The following ITGB6 variants were observed in gnomAD, a reference collection of about 807,000 sequenced individuals.
ITGB6 encodes integrin subunit beta 6.
Under a neutral mutation model 84.5 loss-of-function variants are expected in ITGB6, and 80 were observed. That is an observed-to-expected ratio of 0.95 (90% CI 0.79 to 1.14). The LOEUF is 1.14. Ranked by LOEUF, ITGB6 falls within the 50% of genes most tolerant of loss-of-function variation. ITGB6 has a pLI of 0.00. For missense variants in ITGB6, 1,006 were observed against 968.0 expected (o/e 1.04, Z -0.52); for synonymous variants, 383 against 354.9 (o/e 1.08, Z -0.89).
chr2:160,189,863 C>G (rs1293062325), intron 4 of ITGB6, among the ~76,000 whole-genome samples: 1 of 152,080 alleles, frequency 6.6e-6, no homozygotes, highest in East Asian at 1.9e-4. Context: ...GGTATATACC[C>G]AAAGGATTCT....
At chr2:160,191,251 A>G (rs1477772202) in intron 4 of ITGB6, among the ~76,000 whole-genome samples, 3 of 152,200 alleles carry the variant, frequency 2.0e-5, no homozygotes, top group Non-Finnish European at 4.4e-5. Flanking sequence ...AAATCTATGT[A>G]TTCAGTGTCA....
intron 1 of ITGB6, among the ~76,000 whole-genome samples, chr2:160,199,755 C>A (rs1359179119): frequency 6.6e-6 from 1 of 152,154 alleles, no homozygotes; most frequent in Non-Finnish European, 1.5e-5. Context: ...TTCCATTGGG[C>A]AGTAATGTTA....
At chr2:160,192,898 T>C (rs1405227416) in intron 4 of ITGB6, among the ~76,000 whole-genome samples, 1 of 152,016 alleles carries the variant, frequency 6.6e-6, no homozygotes, top group Non-Finnish European at 1.5e-5. Context: ...CTCAACATCA[T>C]TCATTATTAA....
At chr2:160,185,773 T>G (rs944323389) in intron 4 of ITGB6, among the ~76,000 whole-genome samples, 2 of 151,968 alleles carry the variant, frequency 1.3e-5, no homozygotes, top group Admixed American at 6.6e-5. Flanking sequence ...TCAAAACAGA[T>G]ATATAGACCA....
chr2:160,123,944 G>T, intron 11 of ITGB6, 56 bp from the exon 12 acceptor site: 1 of 1,266,382 alleles, frequency 7.9e-7, no homozygotes. Flanking sequence ...TAGATTTGCA[G>T]CTTGAATATT....
In ITGB6 at chr2:160,107,397, T is replaced by C. The variant is rs546953738; in HGVS notation, c.2268+282A>G. 8.1e-4 allele frequency among the ~76,000 whole-genome samples: 123 copies of C among 152,154 alleles called. 1 individual carries two copies. The highest frequency in any genetic ancestry group is 2.8e-3 in the African/African-American group (115 of 41,504). On this transcript the variant is annotated intron_variant, in intron 14 of 14. Transcript: ENST00000283249. ...GTGGTGAGGAAGCGCTGGGTAAAAATATACTTCCCCAATGTCCCTAAGCAG... is the reference window on the plus strand; with the variant it reads ...GTGGTGAGGAAGCGCTGGGTAAAAACATACTTCCCCAATGTCCCTAAGCAG...
chr2:160,137,953 A>G lies in ITGB6; in HGVS notation c.1243-102T>C, dbSNP rs1054777966. On this transcript the variant is annotated intron_variant, in intron 9 of 14. Transcript: ENST00000283249. ...CTTTGCCAAAAGCATTTACTAGAAAATCTTTGAAAATTGCTTTTAAAATTC... is the reference window on the plus strand; with the variant it reads ...CTTTGCCAAAAGCATTTACTAGAAAGTCTTTGAAAATTGCTTTTAAAATTC... 5.9e-6 allele frequency: 9 copies of G among 1,526,742 alleles called. No homozygotes were observed. In the African/African-American group the frequency reaches 1.1e-4, roughly 19 times the overall value. The allele number at this position is 1,526,742 out of a possible 1,614,324, so 94.6% of individuals were successfully genotyped here. A position where few individuals can be genotyped will look rare whatever the true frequency, so the allele number is the denominator to read the frequency against.
At chr2:160,134,129 A>G (rs1466291925) in intron 10 of ITGB6, among the ~76,000 whole-genome samples, 1 of 152,208 alleles carries the variant, frequency 6.6e-6, no homozygotes, top group African/African-American at 2.4e-5. Context: ...GGTTTTTTGA[A>G]AAGATCAACA....
At chr2:160,122,940 T>A (rs1164018661) in intron 12 of ITGB6, among the ~76,000 whole-genome samples, 2 of 152,200 alleles carry the variant, frequency 1.3e-5, no homozygotes, top group Non-Finnish European at 2.9e-5. Context: ...CTTGGCCACA[T>A]CTCTAATGTG....
intron 11 of ITGB6, among the ~76,000 whole-genome samples, chr2:160,125,466 T>C (rs925471659): frequency 6.6e-6 from 1 of 152,222 alleles, no homozygotes; most frequent in Non-Finnish European, 1.5e-5. Flanking sequence ...CATTAGATCC[T>C]ATTCAAATCA....
At chr2:160,108,258 G>A (rs1559082450) in intron 13 of ITGB6, among the ~76,000 whole-genome samples, 1 of 93,902 alleles carries the variant, frequency 1.1e-5, no homozygotes, top group African/African-American at 4.8e-5. Context: ...TGTGTGTGCT[G>A]CATGTCATCA....
In ITGB6 at chr2:160,107,859, G is replaced by C. The variant is rs772614456; in HGVS notation, c.2102-14C>G. ...GCTTCGGACAATCTGCAGAAATAAA[G>C]AAAATTATAAGAAGGTGGTAAAATC... On this transcript the variant is annotated splice_polypyrimidine_tract_variant and intron_variant, in intron 13 of 14. Transcript: ENST00000283249. 94 of 1,563,270 alleles carry C rather than the reference G, an allele frequency of 6.0e-5. No individual in the cohort carries two copies. Among genetic ancestry groups the C allele is most frequent in the Non-Finnish European group, 8.0e-5 (92 of 1,148,684 alleles).
intron 10 of ITGB6, among the ~76,000 whole-genome samples, chr2:160,136,427 A>G (rs1446009974): frequency 6.6e-6 from 1 of 152,146 alleles, no homozygotes; most frequent in African/African-American, 2.4e-5. Flanking sequence ...ATGTGGAGAA[A>G]TAGGAACACT....
chr2:160,175,371 C>T (rs1053804426), intron 4 of ITGB6, among the ~76,000 whole-genome samples: 2 of 152,174 alleles, frequency 1.3e-5, no homozygotes, highest in African/African-American at 4.8e-5. Flanking sequence ...CATTCGTGGA[C>T]ATGTGTAGAC....
Position 160,195,318 on chromosome 2 carries a change from A to G in ITGB6, c.593+51T>C, listed in dbSNP as rs777777396. ...GGCAAGTGCAGCTCAGAGCGGGAGT[A>G]TCTCCACAGAAAATCAGCGCACAAA... On this transcript the variant is annotated intron_variant, in intron 4 of 14. Coordinates refer to ENST00000283249, the MANE Select transcript of ITGB6 (RefSeq NM_000888.5). 1.2e-5 allele frequency: 19 copies of G among 1,610,026 alleles called. No individual in the cohort carries two copies. The South Asian group carries it at 2.1e-4, about 18-fold the overall frequency.
chr2:160,126,411 A>G lies in ITGB6; in HGVS notation c.1851T>C (p.Cys617=). Residue 617 remains cysteine, a synonymous_variant, in exon 11 of 15, where the codon TGT becomes TGC. Coordinates refer to ENST00000283249, the MANE Select transcript of ITGB6 (RefSeq NM_000888.5). ...AGTTACAGGGGTCACCACAGGTAGG[A>G]CATCGTTCACAGGTTGGTCCTGAGG... ...PGASGPTCER[C]PTCGDPCNSK... is the part of the protein sequence containing the mutation. The G allele has an allele frequency of 1.2e-6, 2 of 1,614,220 alleles. No homozygotes were observed. Among genetic ancestry groups the G allele is most frequent in the South Asian group, 1.1e-5 (1 of 91,084 alleles).
At chr2:160,173,285 T>C (rs1276186195) in intron 5 of ITGB6, among the ~76,000 whole-genome samples, 2 of 152,202 alleles carry the variant, frequency 1.3e-5, no homozygotes, top group African/African-American at 2.4e-5. Flanking sequence ...CTGTTGTTGG[T>C]GTTTAGTAAA....
chr2:160,172,810 C>T (rs1685265545), intron 5 of ITGB6, 80 bp from the exon 6 acceptor site: 1 of 1,077,326 alleles, frequency 9.3e-7, no homozygotes, highest in Non-Finnish European at 1.4e-6. Flanking sequence ...TGCTTGGACA[C>T]ATTTAGGTTA....
At chr2:160,185,731 G>C (rs1331958576) in intron 4 of ITGB6, among the ~76,000 whole-genome samples, 1 of 152,148 alleles carries the variant, frequency 6.6e-6, no homozygotes. Flanking sequence ...ATACTACAAA[G>C]CTACAGTAAC....
Sources: allele counts gnomAD v4.1 joint callset (sites outside exome capture counted in the v4.1 genomes callset), GRCh38; gene constraint gnomAD v4.1.1; transcripts MANE v1.5; gene names NCBI Gene and HGNC (gene_info 2026-07-23, HGNC 2026-07-21).